CSTF3: variants seen among roughly 807,000 people sequenced by gnomAD.
CSTF3 encodes the protein cleavage stimulation factor subunit 3.
Under a neutral mutation model 105.8 loss-of-function variants are expected in CSTF3, and 29 were observed. That is an observed-to-expected ratio of 0.27 (90% confidence interval 0.20 to 0.37). CSTF3 has a LOEUF of 0.37. Among genes scored for constraint, CSTF3 ranks in the 10% least tolerant of loss-of-function variants. The pLI, the probability that CSTF3 is intolerant of heterozygous loss-of-function variation, is 1.00. For missense variants in CSTF3, 357 were observed against 879.3 expected (o/e 0.41, Z 7.51); for synonymous variants, 252 against 281.9 (o/e 0.89, Z 1.06).
At chr11:33,098,988 C>T (rs1855252692) in intron 12 of CSTF3, 46 bp downstream of exon 12, 1 of 1,541,836 alleles carries the variant, frequency 6.5e-7, no homozygotes, top group Non-Finnish European at 8.6e-7. Flanking sequence ...TTCAGTCCTG[C>T]ACTAAAAAAT....
At position 33,085,976 on chromosome 11, in the gene CSTF3, G is replaced by A. The variant is rs768469349; in HGVS notation, c.1809C>T (p.His603=). ...CTGGGAACACTCCACCAGGTACAGGGTGTAAACCTGGAGCTGTGAGAAAAA... is the reference window on the plus strand; with the variant it reads ...CTGGGAACACTCCACCAGGTACAGGATGTAAACCTGGAGCTGTGAGAAAAA... ...QPRHLAPPGL[H]PVPGGVFPVP... Residue 603 remains histidine (H), a synonymous_variant, in exon 19 of 21, where the codon CAC becomes CAT. Transcript: ENST00000323959. 6.7e-7 allele frequency: 1 copy of A among 1,498,348 alleles called. No homozygotes were observed. Among genetic ancestry groups the A allele is most frequent in the Admixed American group, 2.4e-5 (1 of 41,522 alleles). The allele number at this position is 1,498,348 out of a possible 1,614,324, so 92.8% of individuals were successfully genotyped here.
rs201042103 is a variant in CSTF3, at chr11:33,103,218, A to G, written c.586-34T>C. On this transcript the variant is annotated intron_variant, in intron 8 of 20. Transcript: ENST00000323959. ...AAACAAAAATATTTTAAAATTAAGT[A>G]TAGTTTCTTAAAAATTAGTACAATA... is the stretch of plus-strand genomic sequence containing the variant. The G allele has an allele frequency of 3.8e-6, 4 of 1,057,220 alleles. No homozygotes were observed. The East Asian group carries it at 1.1e-4, about 30-fold the overall frequency. The allele number at this position is 1,057,220 out of a possible 1,614,324, so 65.5% of individuals were successfully genotyped here. A position where few individuals can be genotyped will look rare whatever the true frequency, so the allele number is the denominator to read the frequency against.
intron 3 of CSTF3, among the ~76,000 whole-genome samples, chr11:33,113,075 C>T (rs780478458): frequency 1.3e-5 from 2 of 151,830 alleles, no homozygotes; most frequent in Non-Finnish European, 2.9e-5. Context: ...GGCATGGTGG[C>T]GCATGCCTGT....
intron 3 of CSTF3, among the ~76,000 whole-genome samples, chr11:33,132,943 T>C (rs2133793673): frequency 6.6e-6 from 1 of 152,090 alleles, no homozygotes; most frequent in East Asian, 1.9e-4. Context: ...TTATATATAA[T>C]ATATATGTAA....
chr11:33,096,298 C>G lies in CSTF3; in HGVS notation c.1375+8G>C, dbSNP rs540140664. ...AAGTAATCATTATAGATTCTAGAAT[C>G]AACCTACCATTGAGGTGAGAAAGAT... On this transcript the variant is annotated splice_region_variant and intron_variant, in intron 15 of 20. Transcript: ENST00000323959. 6.7e-7 allele frequency: 1 copy of G among 1,497,330 alleles called. No homozygotes were observed. The highest frequency in any genetic ancestry group is 2.4e-5 in the East Asian group (1 of 42,036). The allele number at this position is 1,497,330 out of a possible 1,614,324, so 92.8% of individuals were successfully genotyped here.
chr11:33,112,822 CTTTGT>C (rs1438661681), intron 3 of CSTF3, among the ~76,000 whole-genome samples: 1 of 152,086 alleles, frequency 6.6e-6, no homozygotes, highest in Non-Finnish European at 1.5e-5. Flanking sequence ...CCTAAGATTA[CTTTGT>C]TTTGACATTT....
chr11:33,152,787 T>C (rs930763331), intron 1 of CSTF3, among the ~76,000 whole-genome samples: 24 of 152,012 alleles, frequency 1.6e-4, no homozygotes, highest in African/African-American at 5.6e-4. Context: ...GGTGAAACCC[T>C]GTCTCTACTA....
At chr11:33,157,193 A>C (rs997316409) in intron 1 of CSTF3, among the ~76,000 whole-genome samples, 3 of 152,154 alleles carry the variant, frequency 2.0e-5, no homozygotes, top group Non-Finnish European at 2.9e-5. Flanking sequence ...TTTCTACTAA[A>C]AATACAAAAA....
chr11:33,121,533 A>G (rs2133787026), intron 3 of CSTF3, among the ~76,000 whole-genome samples: 1 of 152,270 alleles, frequency 6.6e-6, no homozygotes, highest in East Asian at 1.9e-4. Flanking sequence ...TATATTTGTG[A>G]TATTTTCCAA....
chr11:33,104,093 C>A (rs1403466020), intron 8 of CSTF3, among the ~76,000 whole-genome samples: 1 of 152,164 alleles, frequency 6.6e-6, no homozygotes, highest in African/African-American at 2.4e-5. Context: ...TCCCAAAGTG[C>A]TGGGATTACA....
chr11:33,098,249 T>C (rs1203608191), intron 13 of CSTF3, among the ~76,000 whole-genome samples: 1 of 152,162 alleles, frequency 6.6e-6, no homozygotes, highest in Non-Finnish European at 1.5e-5. Context: ...TAGCATAAAG[T>C]GAGTTTCAGT....
In CSTF3 at chr11:33,152,749, A is replaced by C. The variant is rs184550106; in HGVS notation, c.27+8550T>G. ...GCCGAGGTGGGCGGATCACAAGGTC[A>C]GGAGTTCGAGACCAGCCTGGCCAAT... On this transcript the variant is annotated intron_variant, in intron 1 of 20. Transcript: ENST00000323959. Among the ~76,000 whole-genome samples the C allele has an allele frequency of 2.4e-3, 371 of 152,236 alleles. 2 individuals are homozygous for C. The highest frequency in any genetic ancestry group is 8.4e-3 in the African/African-American group (349 of 41,556).
intron 1 of CSTF3, among the ~76,000 whole-genome samples, chr11:33,143,203 A>G (rs1231596048): frequency 6.6e-6 from 1 of 152,244 alleles, no homozygotes; most frequent in Non-Finnish European, 1.5e-5. Context: ...ATATATTCAA[A>G]TGCTTAGACT....
At chr11:33,112,063 G>T (rs1425897472) in intron 3 of CSTF3, among the ~76,000 whole-genome samples, 1 of 152,174 alleles carries the variant, frequency 6.6e-6, no homozygotes, top group Non-Finnish European at 1.5e-5. Flanking sequence ...AGACCAGCCT[G>T]GCCAACGTGA....
intron 3 of CSTF3, among the ~76,000 whole-genome samples, chr11:33,112,810 T>C (rs1215507024): frequency 1.3e-5 from 2 of 152,242 alleles, no homozygotes; most frequent in East Asian, 1.9e-4. Flanking sequence ...AAATTCTTGA[T>C]ACCTAAGATT....
intron 3 of CSTF3, among the ~76,000 whole-genome samples, chr11:33,123,340 G>C (rs1252587901): frequency 6.6e-6 from 1 of 152,094 alleles, no homozygotes; most frequent in African/African-American, 2.4e-5. Context: ...ATAAGTACTG[G>C]CAAAAATTAA....
At chr11:33,159,803 G>A (rs1356819614) in intron 1 of CSTF3, among the ~76,000 whole-genome samples, 1 of 151,888 alleles carries the variant, frequency 6.6e-6, no homozygotes, top group Admixed American at 6.6e-5. Flanking sequence ...AGCAAATATG[G>A]CAAGGCTTTC....
At chr11:33,158,776 T>TACTGATGAAGGGACAGTATGAAGGG (rs1301173103) in intron 1 of CSTF3, among the ~76,000 whole-genome samples, 2 of 152,038 alleles carry the variant, frequency 1.3e-5, no homozygotes, top group Non-Finnish European at 2.9e-5. Flanking sequence ...TTTCAGGAAA[T>TACTGATGAAGGGACAGTATGAAGGG]ACAGATGAAG....
At chr11:33,142,676 T>A (rs1855727831) in intron 1 of CSTF3, among the ~76,000 whole-genome samples, 1 of 152,226 alleles carries the variant, frequency 6.6e-6, no homozygotes, top group South Asian at 2.1e-4. Context: ...ATTTACCATA[T>A]TAGAAATTAA....
Sources: allele counts gnomAD v4.1 joint callset (sites outside exome capture counted in the v4.1 genomes callset), GRCh38; gene constraint gnomAD v4.1.1; transcripts MANE v1.5; gene names NCBI Gene and HGNC (gene_info 2026-07-23, HGNC 2026-07-21).